The following DENND1A variants were observed in gnomAD, a reference collection of about 807,000 sequenced individuals.
DENND1A encodes DENN domain containing 1A, also known as DENN domain-containing protein 1A.
In DENND1A, 51 loss-of-function variants were observed where a neutral mutation model predicts 113.7. That is an observed-to-expected ratio of 0.45 (90% CI 0.36 to 0.57). DENND1A has a LOEUF of 0.57. Ranked by LOEUF, DENND1A falls within the 20% of genes least tolerant of loss-of-function variation. The pLI, the probability that DENND1A is intolerant of heterozygous loss-of-function variation, is 0.00. For missense variants in DENND1A, 1,258 were observed against 1,395.9 expected, an observed-to-expected ratio of 0.90 and a Z score of 1.57; for synonymous variants, 565 against 570.8, an observed-to-expected ratio of 0.99 and a Z score of 0.14.
chr9:123,769,935 G>A (rs1426491128), intron 3 of DENND1A, among the ~76,000 whole-genome samples: 1 of 152,082 alleles, frequency 6.6e-6, no homozygotes, highest in East Asian at 1.9e-4. Flanking sequence ...GGCCTGGCAG[G>A]GCCGCTGTTG....
chr9:123,633,504 G>A (rs1345287851), intron 9 of DENND1A, among the ~76,000 whole-genome samples: 3 of 152,310 alleles, frequency 2.0e-5, no homozygotes, highest in Non-Finnish European at 4.4e-5. Flanking sequence ...TTTGGGTGCG[G>A]TGGCTCACGC....
chr9:123,739,771 A>C (rs558794774), intron 5 of DENND1A, among the ~76,000 whole-genome samples: 1 of 152,332 alleles, frequency 6.6e-6, no homozygotes, highest in South Asian at 2.1e-4. Context: ...GAAAATCTTT[A>C]GAAAAAAAGA....
At chr9:123,702,146 AAAAT>A (rs539369453) in intron 5 of DENND1A, among the ~76,000 whole-genome samples, 35 of 152,328 alleles carry the variant, frequency 2.3e-4, no homozygotes, top group African/African-American at 8.2e-4. Flanking sequence ...GAAAAATACA[AAAAT>A]AAATAAATAA....
Position 123,926,070 on chromosome 9 carries a change from C to A in DENND1A, c.17+3819G>T, listed in dbSNP as rs1588289240. ...TTCATATTAACCACATTCCAGTCCACTGGGATCATTCAAACACTAAATAAG... is the reference window on the plus strand; with the variant it reads ...TTCATATTAACCACATTCCAGTCCAATGGGATCATTCAAACACTAAATAAG... On this transcript the variant is annotated intron_variant, in intron 1 of 23. Transcript: ENST00000394215. Among the ~76,000 whole-genome samples, 2 of 152,326 alleles carry A rather than the reference C, an allele frequency of 1.3e-5. 1 individual carries two copies. The highest frequency in any genetic ancestry group is 4.1e-4 in the South Asian group (2 of 4,830).
intron 20 of DENND1A, among the ~76,000 whole-genome samples, chr9:123,404,017 G>A (rs1274333905): frequency 4.6e-5 from 7 of 152,222 alleles, no homozygotes; most frequent in South Asian, 2.1e-4. Flanking sequence ...ACTACAAATC[G>A]TCTTTCTGCT....
At chr9:123,697,546 C>T (rs750741397) in intron 5 of DENND1A, among the ~76,000 whole-genome samples, 1 of 152,182 alleles carries the variant, frequency 6.6e-6, no homozygotes, top group Admixed American at 6.5e-5. Flanking sequence ...CCGTCCCATT[C>T]TTCCCCTCAA....
chr9:123,685,202 C>T (rs1207850339), intron 5 of DENND1A, among the ~76,000 whole-genome samples: 2 of 152,160 alleles, frequency 1.3e-5, no homozygotes, highest in Non-Finnish European at 2.9e-5. Context: ...CTGATAATAC[C>T]GTACTCTTTG....
At chr9:123,627,265 G>A (rs1031383645) in intron 10 of DENND1A, among the ~76,000 whole-genome samples, 5 of 152,240 alleles carry the variant, frequency 3.3e-5, no homozygotes, top group Non-Finnish European at 7.3e-5. Context: ...GGCCAGGGAA[G>A]CAACAGCCTG....
At chr9:123,880,221 C>T (rs910232594) in intron 1 of DENND1A, among the ~76,000 whole-genome samples, 1 of 152,120 alleles carries the variant, frequency 6.6e-6, no homozygotes, top group Non-Finnish European at 1.5e-5. Context: ...CCATGTTGGC[C>T]AGGCTGGTCT....
At chr9:123,916,601 G>A (rs1218700538) in intron 1 of DENND1A, among the ~76,000 whole-genome samples, 16 of 151,974 alleles carry the variant, frequency 1.1e-4, no homozygotes, top group Admixed American at 4.6e-4. Flanking sequence ...TCGAACTCCC[G>A]ACCTCAGGTG....
At chr9:123,885,602 C>G (rs1001646904) in intron 1 of DENND1A, among the ~76,000 whole-genome samples, 1 of 152,206 alleles carries the variant, frequency 6.6e-6, no homozygotes, top group Admixed American at 6.5e-5. Flanking sequence ...CTCTTAAACA[C>G]TGAAAAATGG....
intron 12 of DENND1A, among the ~76,000 whole-genome samples, chr9:123,569,346 A>G (rs1017083511): frequency 3.3e-5 from 5 of 152,224 alleles, no homozygotes; most frequent in Admixed American, 1.3e-4. Context: ...TTCAACCAAT[A>G]AAACACAACT....
At chr9:123,452,378 G>C (rs1251234072) in intron 16 of DENND1A, 31 bp from the exon 17 acceptor site, 1 of 1,583,928 alleles carries the variant, frequency 6.3e-7, no homozygotes, top group Non-Finnish European at 8.7e-7. Context: ...AGCAATTTGG[G>C]CTGAAGACAG....
chr9:123,402,434 C>T (rs2043557944), intron 21 of DENND1A: 29 of 498,954 alleles, frequency 5.8e-5, no homozygotes, highest in Admixed American at 6.8e-5. Context: ...ATTTTTTTTC[C>T]TTCTTGCTCC....
chr9:123,589,647 G>GAAA lies in DENND1A; in HGVS notation c.766-6380_766-6378dup, dbSNP rs58211177. On this transcript the variant is annotated intron_variant, in intron 11 of 23. Transcript: ENST00000394215. ...GACTCTATAGGCTTTTTCTCAGAATGAAAAAAAAAAAAAAAAAAAAAAAAA... is the reference window on the plus strand; with the variant it reads ...GACTCTATAGGCTTTTTCTCAGAATGAAAAAAAAAAAAAAAAAAAAAAAAAAAA... Among the ~76,000 whole-genome samples, 7 of 35,430 alleles carry GAAA rather than the reference G, an allele frequency of 2.0e-4. 1 individual carries two copies. The highest frequency in any genetic ancestry group is 9.6e-4 in the South Asian group (1 of 1,038). 23.2% of individuals were successfully genotyped at this position (35,430 alleles called of 152,430 possible).
chr9:123,580,059 A>G (rs2058816418), intron 12 of DENND1A, among the ~76,000 whole-genome samples: 1 of 152,192 alleles, frequency 6.6e-6, no homozygotes, highest in Non-Finnish European at 1.5e-5. Context: ...CAACAATTTT[A>G]TTAAAAACAA....
chr9:123,418,402 C>T (rs916579831), intron 19 of DENND1A, among the ~76,000 whole-genome samples: 1 of 152,214 alleles, frequency 6.6e-6, no homozygotes, highest in Non-Finnish European at 1.5e-5. Context: ...ATGAAACCGG[C>T]ATTTATGAGG....
intron 2 of DENND1A, among the ~76,000 whole-genome samples, chr9:123,876,614 A>G (rs1008233490): frequency 9.9e-5 from 15 of 152,224 alleles, no homozygotes; most frequent in African/African-American, 3.6e-4. Context: ...CAAATGCAGC[A>G]AAATAATAAC....
intron 13 of DENND1A, among the ~76,000 whole-genome samples, chr9:123,545,029 T>G (rs1489384627): frequency 6.7e-6 from 1 of 149,930 alleles, no homozygotes; most frequent in African/African-American, 2.5e-5. Flanking sequence ...ACCCGGGAGG[T>G]GGAGCTTGCA....
Sources: allele counts gnomAD v4.1 joint callset (sites outside exome capture counted in the v4.1 genomes callset), GRCh38; gene constraint gnomAD v4.1.1; transcripts MANE v1.5; gene names NCBI Gene and HGNC (gene_info 2026-07-23, HGNC 2026-07-21).